The following ZBTB32 variants were observed in gnomAD, a reference collection of about 807,000 sequenced individuals.
The protein encoded by ZBTB32 is zinc finger and BTB domain-containing protein 32.
Under a neutral mutation model 45.3 loss-of-function variants are expected in ZBTB32, and 28 were observed. The observed-to-expected ratio is 0.62, with a 90% CI of 0.46 to 0.85. The LOEUF (loss-of-function observed/expected upper bound fraction) is 0.85, where lower values mean the gene tolerates loss of function less well. Among genes scored for constraint, ZBTB32 ranks in the 40% least tolerant of loss-of-function variants. The probability of loss-of-function intolerance (pLI) is 0.00; values close to 1 mark genes in which losing one functional copy is unlikely to be tolerated. For missense variants in ZBTB32, 587 were observed against 624.4 expected, an observed-to-expected ratio of 0.94 and a Z score of 0.64; for synonymous variants, 283 against 255.7, an observed-to-expected ratio of 1.11 and a Z score of -1.02.
At chr19:35,707,600 C>T (rs1197486445) in intron 1 of ZBTB32, among the ~76,000 whole-genome samples, 1 of 151,980 alleles carries the variant, frequency 6.6e-6, no homozygotes. Flanking sequence ...TATCTCTTCA[C>T]CTTGTGATCC....
chr19:35,716,455 G>A (rs754929684), intron 6 of ZBTB32, 23 bp from the exon 7 acceptor site: 8 of 1,592,522 alleles, frequency 5.0e-6, no homozygotes, highest in Non-Finnish European at 6.0e-6. Context: ...TCCTTCACCG[G>A]CCTCCCCTTC....
chr19:35,705,223 C>G (rs939400681), intron 1 of ZBTB32, among the ~76,000 whole-genome samples: 2 of 152,034 alleles, frequency 1.3e-5, no homozygotes, highest in Admixed American at 6.6e-5. Flanking sequence ...GCAGGAGAAT[C>G]GCTTGAACTC....
chr19:35,707,729 C>A (rs1236173628), intron 1 of ZBTB32, among the ~76,000 whole-genome samples: 1 of 152,090 alleles, frequency 6.6e-6, no homozygotes, highest in Non-Finnish European at 1.5e-5. Context: ...CACTTGTAAT[C>A]CCTGCACTCT....
chr19:35,716,230 G>T lies in ZBTB32; in HGVS notation c.1122G>T (p.Ala374=). The change falls in exon 6 of 7, where the codon GCG becomes GCT. Residue 374 remains alanine (A), a synonymous_variant. Transcript: ENST00000392197. ...PAPPARSRPY[A]CSVCGKRFSL... ...CTCCTGCTCGGTCTCGGCCCTATGCGTGCTCTGTCTGTGGAAAGAGGTTTT... is the reference window on the plus strand; with the variant it reads ...CTCCTGCTCGGTCTCGGCCCTATGCTTGCTCTGTCTGTGGAAAGAGGTTTT... 6.2e-7 allele frequency: 1 copy of T among 1,613,870 alleles called. No homozygotes were observed. The highest frequency in any genetic ancestry group is 8.5e-7 in the Non-Finnish European group (1 of 1,179,958).
Position 35,714,966 on chromosome 19 carries a change from G to C in ZBTB32, c.340G>C (p.Gly114Arg), listed in dbSNP as rs1236771505. The C allele has an allele frequency of 1.3e-6, 2 of 1,595,048 alleles. No individual in the cohort carries two copies. The highest frequency in any genetic ancestry group is 1.1e-5 in the South Asian group (1 of 89,098). ...SLEEACWRAR[G>R]DRAKKPDPGL... ...GGAAGAGGCATGCTGGAGGGCTCGA[G>C]GGGACAGGGCTAAAAAGCCAGATCC... Residue 114 changes from glycine to arginine, a missense_variant, in exon 3 of 7, where the codon GGG becomes CGG. By Grantham distance (125) the Gly-to-Arg change is moderately radical. Transcript: ENST00000392197.
At position 35,716,663 on chromosome 19, in the gene ZBTB32, T is replaced by C. The variant is rs753972264; in HGVS notation, c.1375T>C (p.Trp459Arg). The C allele has an allele frequency of 1.2e-6, 2 of 1,613,900 alleles. No homozygotes were observed. The highest frequency in any genetic ancestry group is 1.7e-5 in the Admixed American group (1 of 60,010). ...CTCGCCCAGCCAACTCCCGCCCGGA[T>C]GGACCATCCGCTCCACCTTCCTCTA... ...GHSPSQLPPGWTIRSTFLYSS... is the reference protein window; with the variant it reads ...GHSPSQLPPGRTIRSTFLYSS... The change falls in exon 7 of 7, where the codon TGG (tryptophan) becomes CGG (arginine). Residue 459 changes from tryptophan (W) to arginine (R), a missense_variant. Transcript: ENST00000392197.
chr19:35,716,467 G>T lies in ZBTB32; in HGVS notation c.1190-11G>T. On this transcript the variant is annotated splice_polypyrimidine_tract_variant and intron_variant, in intron 6 of 6. Coordinates refer to ENST00000392197, the MANE Select transcript of ZBTB32 (RefSeq NM_014383.3). Reference sequence around the variant, plus strand: ...CCTTCCTTCACCGGCCTCCCCTTCCGACCGCTCTAGGAGAGAAGCCCTTCT... The same window carrying T: ...CCTTCCTTCACCGGCCTCCCCTTCCTACCGCTCTAGGAGAGAAGCCCTTCT... 1.9e-6 allele frequency: 3 copies of T among 1,595,794 alleles called. No homozygotes were observed. The highest frequency in any genetic ancestry group is 1.7e-6 in the Non-Finnish European group (2 of 1,167,564).
At position 35,715,832 on chromosome 19, in the gene ZBTB32, T is replaced by C; in HGVS notation, c.955+2T>C. 1 of 1,613,704 alleles carries C rather than the reference T, an allele frequency of 6.2e-7. No homozygotes were observed. The highest frequency in any genetic ancestry group is 8.5e-7 in the Non-Finnish European group (1 of 1,179,818). ...TGGCCTCCTCCAGCCCTACCCCAGG[T>C]AAGCCCCTCGCTGTCCTGCATACAC... On this transcript the variant is annotated splice_donor_variant, in intron 4 of 6. Coordinates refer to ENST00000392197, the MANE Select transcript of ZBTB32 (RefSeq NM_014383.3). LOFTEE classifies it high-confidence loss of function.
rs866615209 is a variant in ZBTB32, at chr19:35,715,296, G to C, written c.670G>C (p.Glu224Gln). ...WLRENPGGSE[E>Q]SLRKLPGPLP... The stretch of plus-strand genomic sequence containing the variant: ...GAGGGAAAATCCAGGGGGCTCTGAG[G>C]AAAGTCTGCGCAAGCTCCCTGGCCC... Residue 224 changes from glutamate (E) to glutamine (Q), a missense_variant, in exon 3 of 7, where the codon GAA (glutamate) becomes CAA (glutamine). Transcript: ENST00000392197. 2.5e-6 allele frequency: 4 copies of C among 1,583,522 alleles called. No homozygotes were observed. The highest frequency in any genetic ancestry group is 1.4e-5 in the African/African-American group (1 of 73,470).
At chr19:35,705,140 T>C (rs1204914959) in intron 1 of ZBTB32, among the ~76,000 whole-genome samples, 1 of 152,010 alleles carries the variant, frequency 6.6e-6, no homozygotes, top group Non-Finnish European at 1.5e-5. Flanking sequence ...ACCCTGTCTC[T>C]ACGGGGTTTC....
chr19:35,716,377 C>T, intron 6 of ZBTB32, 80 bp downstream of exon 6: 1 of 1,593,796 alleles, frequency 6.3e-7, no homozygotes, highest in Non-Finnish European at 8.6e-7. Flanking sequence ...TGCCCGGTTC[C>T]CGCGCAATCC....
rs775007400 is a variant in ZBTB32 at position 35,715,288 on chromosome 19, G to C, written c.662G>C (p.Gly221Ala). 6.3e-7 allele frequency: 1 copy of C among 1,582,646 alleles called. No individual in the cohort carries two copies. The highest frequency in any genetic ancestry group is 2.2e-5 in the East Asian group (1 of 44,618). The part of the protein sequence containing the change: ...VLTWLRENPG[G>A]SEESLRKLPG... ...ACGTGGTTGAGGGAAAATCCAGGGG[G>C]CTCTGAGGAAAGTCTGCGCAAGCTC... Residue 221 changes from glycine (G) to alanine (A), a missense_variant, in exon 3 of 7, where the codon GGC becomes GCC. Physicochemically the swap from Gly to Ala is moderately conservative, Grantham distance 60 (BLOSUM62 0). Coordinates refer to ENST00000392197, the MANE Select transcript of ZBTB32 (RefSeq NM_014383.3).
chr19:35,706,784 T>C (rs1200144695), intron 1 of ZBTB32, among the ~76,000 whole-genome samples: 2 of 152,204 alleles, frequency 1.3e-5, no homozygotes, highest in Admixed American at 1.3e-4. Flanking sequence ...TGATCTTTTT[T>C]ATACTCATGG....
Position 35,715,152 on chromosome 19 carries a change from G to C in ZBTB32, c.526G>C (p.Glu176Gln), listed in dbSNP as rs780286171. ...HKHSPPRGRP[E>Q]MAGATQEAQQ... ...GCACTCGCCACCAAGAGGCAGACCC[G>C]AGATGGCAGGAGCAACGCAGGAGGC... Residue 176 changes from glutamate to glutamine, a missense_variant, in exon 3 of 7, where the codon GAG (glutamate) becomes CAG (glutamine). Physicochemically the swap from Glu to Gln is conservative, Grantham distance 29 (BLOSUM62 2). Transcript: ENST00000392197. The C allele has an allele frequency of 1.9e-6, 3 of 1,613,868 alleles. No homozygotes were observed. The highest frequency in any genetic ancestry group is 1.7e-6 in the Non-Finnish European group (2 of 1,179,986).
At position 35,714,544 on chromosome 19, in the gene ZBTB32, T is replaced by G; in HGVS notation, c.-83T>G. The G allele has an allele frequency of 2.8e-5, 38 of 1,350,696 alleles. No homozygotes were observed. The highest frequency in any genetic ancestry group is 3.5e-5 in the Non-Finnish European group (35 of 1,011,708). The allele number at this position is 1,350,696 out of a possible 1,614,324, so 83.7% of individuals were successfully genotyped here. On this transcript the variant is annotated 5_prime_UTR_variant, in exon 3 of 7. Transcript: ENST00000392197. ...ACAGGCTTGAAATGAGATGAGATGTTCCTCCCTCCCCTTTCAACCATGGAC... is the reference window on the plus strand; with the variant it reads ...ACAGGCTTGAAATGAGATGAGATGTGCCTCCCTCCCCTTTCAACCATGGAC...
chr19:35,715,960 C>T lies in ZBTB32; in HGVS notation c.977C>T (p.Ala326Val). ...PTPGSLPQGP[A>V]QLSPGEMEES... ...CCAGGTTCCCTCCCCCAGGGCCCCG[C>T]ACAGCTCAGCCCTGGGGAGATGGAA... Residue 326 changes from alanine (A) to valine (V), a missense_variant, in exon 5 of 7, where the codon GCA becomes GTA. Transcript: ENST00000392197. 6.2e-7 allele frequency: 1 copy of T among 1,613,556 alleles called. No individual in the cohort carries two copies. Among genetic ancestry groups the T allele is most frequent in the South Asian group, 1.1e-5 (1 of 91,082 alleles).
chr19:35,716,521 G>A lies in ZBTB32; in HGVS notation c.1233G>A (p.Arg411=). The A allele has an allele frequency of 1.2e-6, 2 of 1,611,560 alleles. No individual in the cohort carries two copies. The highest frequency in any genetic ancestry group is 2.2e-5 in the South Asian group (2 of 90,976). The change falls in exon 7 of 7, where the codon CGG becomes CGA. Residue 411 remains arginine (R), a synonymous_variant. Coordinates refer to ENST00000392197, the MANE Select transcript of ZBTB32 (RefSeq NM_014383.3). ...FSCSLCPQRS[R]DFSAMTKHLR... Reference sequence around the variant, plus strand: ...GTAGCCTTTGTCCTCAGCGCTCCCGGGACTTCTCGGCCATGACCAAGCACC... The same window carrying A: ...GTAGCCTTTGTCCTCAGCGCTCCCGAGACTTCTCGGCCATGACCAAGCACC...
Position 35,715,336 on chromosome 19 carries a change from G to A in ZBTB32, c.710G>A (p.Gly237Asp), listed in dbSNP as rs1486469354. The A allele has an allele frequency of 6.2e-7, 1 of 1,603,106 alleles. No individual in the cohort carries two copies. Among genetic ancestry groups the A allele is most frequent in the Admixed American group, 1.7e-5 (1 of 57,632 alleles). The change falls in exon 3 of 7, where the codon GGC becomes GAC. Residue 237 changes from glycine (G) to aspartate (D), a missense_variant. By Grantham distance (94) the Gly-to-Asp change is moderately conservative (BLOSUM62 -1). Coordinates refer to ENST00000392197, the MANE Select transcript of ZBTB32 (RefSeq NM_014383.3). ...RKLPGPLPPA[G>D]SLQTSVTPRP... Reference sequence around the variant, plus strand: ...CTCCCTGGCCCCCTTCCCCCAGCAGGCTCCCTGCAAACCAGCGTCACCCCT... The same window carrying A: ...CTCCCTGGCCCCCTTCCCCCAGCAGACTCCCTGCAAACCAGCGTCACCCCT...
intron 1 of ZBTB32, among the ~76,000 whole-genome samples, chr19:35,706,186 C>T (rs1445739969): frequency 2.7e-5 from 4 of 150,474 alleles, no homozygotes; most frequent in Admixed American, 6.6e-5. Context: ...CGAGATCGTG[C>T]CATTGCACTC....
Sources: gnomAD v4.1 joint callset for allele counts (sites outside exome capture counted in the v4.1 genomes callset) on GRCh38, gnomAD v4.1.1 for gene constraint, MANE v1.5 for transcripts, NCBI Gene and HGNC (gene_info 2026-07-23, HGNC 2026-07-21) for gene names.